ZNF407: variants seen among roughly 807,000 people sequenced by gnomAD.
ZNF407 encodes zinc finger protein 407.
ZNF407 carries 17 observed loss-of-function variants against 131.2 expected under a neutral mutation model. The ratio of observed to expected loss-of-function variants is 0.13; its 90% CI spans 0.09 to 0.19. ZNF407 has a LOEUF of 0.19. Ranked by LOEUF, ZNF407 falls within the 10% of genes least tolerant of loss-of-function variation. The probability of loss-of-function intolerance (pLI) is 1.00; values close to 1 mark genes in which losing one functional copy is unlikely to be tolerated. For synonymous variants in ZNF407, 1,156 were observed against 1,062.0 expected (o/e 1.09, Z -1.72); for missense variants, 2,681 against 2,830.6 (o/e 0.95, Z 1.20).
chr18:74,969,386 AT>A (rs796085848), intron 8 of ZNF407, among the ~76,000 whole-genome samples: 1 of 152,010 alleles, frequency 6.6e-6, no homozygotes, highest in South Asian at 2.1e-4. Context: ...TCATATTTAG[AT>A]TTTTTTATTT....
chr18:74,880,967 A>G (rs1971229038), intron 5 of ZNF407, 69 bp from the exon 6 acceptor site: 2 of 1,337,246 alleles, frequency 1.5e-6, no homozygotes, highest in Non-Finnish European at 2.1e-6. Flanking sequence ...GTAACCCTGA[A>G]AGCCTTGATA....
At chr18:74,905,745 G>A (rs1971587838) in intron 7 of ZNF407, 2 of 152,176 alleles carry the variant, frequency 1.3e-5, no homozygotes. Context: ...AAAGTAATGA[G>A]TAAATGATCT....
In ZNF407 at chr18:74,807,424, G is replaced by A. The variant is rs376610980; in HGVS notation, c.4877+25922G>A. On this transcript the variant is annotated intron_variant, in intron 4 of 8. Coordinates refer to ENST00000299687, the MANE Select transcript of ZNF407 (RefSeq NM_017757.3). ...GTTGTGCATGGATATTCATGGGAAG[G>A]TTTTCACAGGGCAAGCAAGACTTTG... is the stretch of plus-strand genomic sequence containing the variant. Among the ~76,000 whole-genome samples the A allele has an allele frequency of 1.2e-3, 189 of 152,200 alleles. 6 individuals are homozygous for A. In the South Asian group the frequency reaches 0.038, roughly 31 times the overall value.
In ZNF407 at chr18:74,703,957, T is replaced by C. The variant is rs1200457483; in HGVS notation, c.4802+62835T>C. ...ACCACTGGAAGGATCTCTTTTTTTT[T>C]ATTTTTTATTTTTTTGCATCTCACA... On this transcript the variant is annotated intron_variant, in intron 3 of 8. Transcript: ENST00000299687. This position sits in a 1 kb window ranked among gnomAD's most constrained non-coding sequence, Gnocchi z 4.1. Among the ~76,000 whole-genome samples the C allele has an allele frequency of 6.6e-6, 1 of 151,878 alleles. No homozygotes were observed. The highest frequency in any genetic ancestry group is 1.5e-5 in the Non-Finnish European group (1 of 67,998).
chr18:74,706,331 A>G (rs1967623179), intron 3 of ZNF407, among the ~76,000 whole-genome samples: 1 of 152,152 alleles, frequency 6.6e-6, no homozygotes, highest in Admixed American at 6.5e-5. Flanking sequence ...GTTCTTTGAG[A>G]AATGTTGTAT....
chr18:74,885,510 A>G (rs182827225), intron 6 of ZNF407, among the ~76,000 whole-genome samples: 2 of 152,332 alleles, frequency 1.3e-5, no homozygotes, highest in Admixed American at 1.3e-4. Context: ...TGGAAATTCA[A>G]AGGCTTGAAA....
chr18:74,665,787 G>A (rs781375001), intron 3 of ZNF407, among the ~76,000 whole-genome samples: 16 of 152,094 alleles, frequency 1.1e-4, no homozygotes, highest in Non-Finnish European at 1.8e-4. Context: ...CTGCCACCCA[G>A]ACTCACCTTT....
chr18:74,684,177 T>C (rs1215344232), intron 3 of ZNF407, among the ~76,000 whole-genome samples: 1 of 152,140 alleles, frequency 6.6e-6, no homozygotes, highest in Non-Finnish European at 1.5e-5. Flanking sequence ...AGGAGTTTTG[T>C]AGATCTTTTC....
intron 6 of ZNF407, 74 bp from the exon 7 acceptor site, chr18:74,889,844 G>A: frequency 3.7e-6 from 5 of 1,366,576 alleles, no homozygotes; most frequent in Admixed American, 4.7e-5. Flanking sequence ...TTTTTAAATT[G>A]TCAATACCAG....
chr18:74,915,679 T>C (rs1971746284), intron 7 of ZNF407, among the ~76,000 whole-genome samples: 1 of 68,530 alleles, frequency 1.5e-5, no homozygotes, highest in Non-Finnish European at 2.8e-5. Flanking sequence ...GTATGCAGCA[T>C]TGGTTCGAAT....
intron 4 of ZNF407, among the ~76,000 whole-genome samples, chr18:74,833,386 A>G (rs1262885710): frequency 6.6e-6 from 1 of 152,222 alleles, no homozygotes; most frequent in Non-Finnish European, 1.5e-5. Context: ...ACTTAATCAA[A>G]CTGTAATAAA....
rs78669890 is a variant in ZNF407 at position 74,957,401 on chromosome 18, C to T, written c.5428+36709C>T. Among the ~76,000 whole-genome samples the T allele has an allele frequency of 4.4e-3, 670 of 151,854 alleles. 4 individuals are homozygous for T. The highest frequency in any genetic ancestry group is 0.015 in the African/African-American group (614 of 41,382). On this transcript the variant is annotated intron_variant, in intron 8 of 8. Coordinates refer to ENST00000299687, the MANE Select transcript of ZNF407 (RefSeq NM_017757.3). ...TGCATTTTTTAATTACGTTAACTTA[C>T]GGGGTTTTTTGGAATAATTCACTCT...
chr18:74,627,830 T>TGCCCTGCCCTGCCCCACCCCGCCCC (rs1983861023), intron 1 of ZNF407, among the ~76,000 whole-genome samples: 2 of 131,558 alleles, frequency 1.5e-5, no homozygotes, highest in African/African-American at 5.7e-5. Context: ...TGCCCTGCCC[T>TGCCCTGCCCTGCCCCACCCCGCCCC]GCCCCGCCCC....
At chr18:74,682,426 G>A (rs111473230) in intron 3 of ZNF407, among the ~76,000 whole-genome samples, 2 of 152,120 alleles carry the variant, frequency 1.3e-5, no homozygotes, top group East Asian at 1.9e-4. Context: ...CTTCAGCTTC[G>A]TAGTAGTGCC....
intron 3 of ZNF407, among the ~76,000 whole-genome samples, chr18:74,649,592 T>C (rs976550371): frequency 6.6e-6 from 1 of 152,214 alleles, no homozygotes; most frequent in Non-Finnish European, 1.5e-5. Context: ...TTTTAGAACT[T>C]ACACTGTTGC....
chr18:74,604,686 A>G (rs1982724136), intron 1 of ZNF407, among the ~76,000 whole-genome samples: 1 of 152,268 alleles, frequency 6.6e-6, no homozygotes, highest in African/African-American at 2.4e-5. Context: ...AGGATAATAA[A>G]TAAACACAGA....
chr18:74,967,310 GCCTT>G, intron 8 of ZNF407, among the ~76,000 whole-genome samples: 1 of 152,238 alleles, frequency 6.6e-6, no homozygotes. Flanking sequence ...TCATAAAAAT[GCCTT>G]CCATTTTTAA....
intron 3 of ZNF407, among the ~76,000 whole-genome samples, chr18:74,694,618 G>C (rs906648245): frequency 6.6e-6 from 1 of 152,026 alleles, no homozygotes; most frequent in Non-Finnish European, 1.5e-5. Flanking sequence ...CATGTAGTAG[G>C]TGATACACTG....
chr18:74,723,944 G>A (rs1047891977), intron 3 of ZNF407, among the ~76,000 whole-genome samples: 17 of 146,546 alleles, frequency 1.2e-4, no homozygotes, highest in Non-Finnish European at 2.6e-4. Flanking sequence ...GTGGGGCGGG[G>A]TGGGGGGGGT....
Sources: gnomAD v4.1 joint callset for allele counts (sites outside exome capture counted in the v4.1 genomes callset) on GRCh38, gnomAD v4.1.1 for gene constraint, Gnocchi (gnomAD v3.1) non-coding constraint, MANE v1.5 for transcripts, NCBI Gene and HGNC (gene_info 2026-07-23, HGNC 2026-07-21) for gene names.